The following DDX59 variants were observed in gnomAD, a reference collection of about 807,000 sequenced individuals.
The protein encoded by DDX59 is probable ATP-dependent RNA helicase DDX59.
A neutral mutation model predicts 51.9 loss-of-function variants in DDX59; 30 were observed. The observed-to-expected ratio is 0.58, with a 90% confidence interval of 0.43 to 0.78. The LOEUF (loss-of-function observed/expected upper bound fraction) is 0.78. Among genes scored for constraint, DDX59 ranks in the 30% least tolerant of loss-of-function variants. The pLI is 0.00. For missense variants in DDX59, 672 were observed against 730.8 expected (o/e 0.92, Z 0.93); for synonymous variants, 255 against 253.3 (o/e 1.01, Z -0.06).
At chr1:200,663,856 A>C in intron 3 of DDX59, 63 bp downstream of exon 3, 3 of 1,382,114 alleles carry the variant, frequency 2.2e-6, no homozygotes, top group Non-Finnish European at 2.8e-6. Flanking sequence ...AGGGGAAAAA[A>C]AACACTAGTT....
chr1:200,652,966 T>C (rs1229115848), intron 4 of DDX59, among the ~76,000 whole-genome samples: 4 of 152,214 alleles, frequency 2.6e-5, no homozygotes, highest in Non-Finnish European at 4.4e-5. Context: ...ATTACAGGCG[T>C]GGGCCCCTGC....
chr1:200,649,049 G>A, intron 6 of DDX59, 25 bp downstream of exon 6: 6 of 1,525,910 alleles, frequency 3.9e-6, no homozygotes. Flanking sequence ...ATAGAAAACA[G>A]AATATAGAAT....
chr1:200,658,151 C>T (rs1161165855), intron 4 of DDX59, among the ~76,000 whole-genome samples: 3 of 152,206 alleles, frequency 2.0e-5, no homozygotes, highest in South Asian at 4.1e-4. Context: ...TGCTGGGTAA[C>T]GCCAGGCCTC....
chr1:200,669,560 A>G (rs1274185202), intron 1 of DDX59: 1 of 152,148 alleles, frequency 6.6e-6, no homozygotes, highest in African/African-American at 2.4e-5. Flanking sequence ...GCCCGGCGGC[A>G]CCGCACCCCG....
At position 200,650,604 on chromosome 1, in the gene DDX59, G is replaced by A; in HGVS notation, c.1135C>T (p.Gln379Ter). Residue 379 changes from glutamine (Q) to a stop codon, truncating the protein, a stop_gained, in exon 5 of 8, where the codon CAG (glutamine) becomes TAG (stop). Transcript: ENST00000331314. LOFTEE classifies it high-confidence loss of function. ...ATTGTGGCTGAAACCAAAATGGTCT[G>A]ACAATCATTAGGAATGTTTTCCAAA... ...DILENIPNDC[Q>*]TILVSATIPT... 6.2e-7 allele frequency: 1 copy of A among 1,614,014 alleles called. No individual in the cohort carries two copies. The highest frequency in any genetic ancestry group is 8.5e-7 in the Non-Finnish European group (1 of 1,179,964).
intron 1 of DDX59, among the ~76,000 whole-genome samples, chr1:200,667,231 C>T (rs1662826668): frequency 6.6e-6 from 1 of 151,906 alleles, no homozygotes; most frequent in Admixed American, 6.6e-5. Flanking sequence ...GGTGAAACCC[C>T]CGTCTCTACT....
intron 4 of DDX59, 137 bp downstream of exon 4, chr1:200,658,890 T>C (rs1328984701): frequency 6.2e-6 from 4 of 648,588 alleles, no homozygotes; most frequent in African/African-American, 5.5e-5. Flanking sequence ...CACAGGAACC[T>C]GCTGCAATGC....
At chr1:200,654,673 G>C (rs1661900502) in intron 4 of DDX59, 1 of 152,582 alleles carries the variant, frequency 6.6e-6, no homozygotes, top group African/African-American at 2.4e-5. Flanking sequence ...AGGGATTTCA[G>C]AGTTACTAAA....
intron 1 of DDX59, among the ~76,000 whole-genome samples, chr1:200,668,416 G>A (rs759154387): frequency 5.1e-4 from 77 of 152,128 alleles, no homozygotes; most frequent in Non-Finnish European, 9.0e-4. Context: ...TCAACCATAC[G>A]AGGACTAAGC....
intron 2 of DDX59, among the ~76,000 whole-genome samples, chr1:200,665,332 A>G (rs954992372): frequency 9.2e-5 from 14 of 151,918 alleles, no homozygotes; most frequent in Non-Finnish European, 1.9e-4. Context: ...GCGTATGCCT[A>G]TAATCCCAGC....
intron 3 of DDX59, among the ~76,000 whole-genome samples, chr1:200,659,445 T>C (rs969785223): frequency 9.2e-5 from 14 of 152,154 alleles, no homozygotes; most frequent in African/African-American, 3.4e-4. Flanking sequence ...ATCTGTGACA[T>C]TCCTGAGGCT....
At chr1:200,646,321 G>A (rs569568885) in intron 7 of DDX59, among the ~76,000 whole-genome samples, 5 of 151,784 alleles carry the variant, frequency 3.3e-5, no homozygotes, top group Admixed American at 2.6e-4. Flanking sequence ...GCAACAGAAG[G>A]AGACCCCGTC....
rs751365711 is a variant in DDX59 at position 200,644,213 on chromosome 1, A to T, written c.*41T>A. ...TTATGCAAACCATAATTTTTTGCTGACTATATACAATAAAAAAAAATATTC... is the reference window on the plus strand; with the variant it reads ...TTATGCAAACCATAATTTTTTGCTGTCTATATACAATAAAAAAAAATATTC... On this transcript the variant is annotated 3_prime_UTR_variant, in exon 8 of 8. Coordinates refer to ENST00000331314, the MANE Select transcript of DDX59 (RefSeq NM_001031725.6). 1 of 1,408,038 alleles carries T rather than the reference A, an allele frequency of 7.1e-7. No individual in the cohort carries two copies. The highest frequency in any genetic ancestry group is 9.3e-7 in the Non-Finnish European group (1 of 1,074,998). 87.2% of individuals were successfully genotyped at this position (1,408,038 alleles called of 1,614,324 possible). A position where few individuals can be genotyped will look rare whatever the true frequency, so the allele number is the denominator to read the frequency against.
At chr1:200,669,307 C>T (rs1662993289) in intron 1 of DDX59, among the ~76,000 whole-genome samples, 1 of 150,744 alleles carries the variant, frequency 6.6e-6, no homozygotes, top group African/African-American at 2.4e-5. Flanking sequence ...GAAATGCAAC[C>T]GAGGGTCTAG....
chr1:200,652,313 C>T (rs1661719525), intron 4 of DDX59, among the ~76,000 whole-genome samples: 1 of 152,112 alleles, frequency 6.6e-6, no homozygotes, highest in Admixed American at 6.5e-5. Flanking sequence ...CCAGGGCACC[C>T]AGCTCAGCAT....
At chr1:200,653,858 C>A (rs1380752522) in intron 4 of DDX59, among the ~76,000 whole-genome samples, 3 of 152,178 alleles carry the variant, frequency 2.0e-5, no homozygotes, top group Admixed American at 6.5e-5. Context: ...TCAGAGAGCT[C>A]TCCCTGACTA....
chr1:200,661,930 G>C (rs1041034952), intron 3 of DDX59, among the ~76,000 whole-genome samples: 2 of 152,102 alleles, frequency 1.3e-5, no homozygotes, highest in African/African-American at 4.8e-5. Context: ...CCTTCCCCTT[G>C]GTGCTGTCAT....
At chr1:200,663,255 C>T (rs765674108) in intron 3 of DDX59, among the ~76,000 whole-genome samples, 2 of 152,136 alleles carry the variant, frequency 1.3e-5, no homozygotes, top group Non-Finnish European at 2.9e-5. Flanking sequence ...GCCCCGAGGA[C>T]CCAGCTCCTG....
chr1:200,648,527 C>T lies in DDX59; in HGVS notation c.1508G>A (p.Gly503Glu), dbSNP rs147692713. Residue 503 changes from glycine to glutamate, a missense_variant, in exon 7 of 8, where the codon GGA (glycine) becomes GAA (glutamate). Physicochemically the swap from Gly to Glu is moderately conservative, Grantham distance 98 (BLOSUM62 -2). Coordinates refer to ENST00000331314, the MANE Select transcript of DDX59 (RefSeq NM_001031725.6). ...CAAGTCTAGGCCTCGTCCCAAGACTCCTGTGCTCACTACAACTTCATAGTC... is the reference window on the plus strand; with the variant it reads ...CAAGTCTAGGCCTCGTCCCAAGACTTCTGTGCTCACTACAACTTCATAGTC... The part of the protein sequence containing the change: ...EGDYEVVVST[G>E]VLGRGLDLIS... 247 of 1,614,010 alleles carry T rather than the reference C, an allele frequency of 1.5e-4. No individual in the cohort carries two copies. Among genetic ancestry groups the T allele is most frequent in the Non-Finnish European group, 2.0e-4 (232 of 1,179,986 alleles).
Sources: gnomAD v4.1 joint callset for allele counts (sites outside exome capture counted in the v4.1 genomes callset) on GRCh38, gnomAD v4.1.1 for gene constraint, MANE v1.5 for transcripts, NCBI Gene and HGNC (gene_info 2026-07-23, HGNC 2026-07-21) for gene names.